CCDC62: variants seen among roughly 807,000 people sequenced by gnomAD.
The protein encoded by CCDC62 is coiled-coil domain containing 62.
In CCDC62, 72 loss-of-function variants were observed where a neutral mutation model predicts 80.8. The observed-to-expected ratio is 0.89, with a 90% CI of 0.74 to 1.08. The LOEUF (loss-of-function observed/expected upper bound fraction) is 1.08, where lower values mean the gene tolerates loss of function less well. Ranked by LOEUF, CCDC62 falls within the 50% of genes least tolerant of loss-of-function variation. CCDC62 has a pLI of 0.00. For missense variants in CCDC62, 704 were observed against 809.4 expected, an observed-to-expected ratio of 0.87 and a Z score of 1.58; for synonymous variants, 286 against 296.5, an observed-to-expected ratio of 0.96 and a Z score of 0.36.
At chr12:122,818,794 C>T (rs1417688885) in intron 11 of CCDC62, among the ~76,000 whole-genome samples, 3 of 152,054 alleles carry the variant, frequency 2.0e-5, no homozygotes, top group Non-Finnish European at 4.4e-5. Flanking sequence ...TGGCTCACGC[C>T]TATAGTTCCA....
rs949070503 is a variant in CCDC62, at chr12:122,774,721, C to T, written c.36+15C>T. 2 of 1,250,672 alleles carry T rather than the reference C, an allele frequency of 1.6e-6. No individual in the cohort carries two copies. Among genetic ancestry groups the T allele is most frequent in the African/African-American group, 1.5e-5 (1 of 64,668 alleles). 77.5% of individuals were successfully genotyped at this position (1,250,672 alleles called of 1,614,324 possible). On this transcript the variant is annotated intron_variant, in intron 1 of 12. Transcript: ENST00000253079. ...CCGGGCGCCAGGTAAGCAGCGGTTC[C>T]GGGCGCGGCGGGGCGCCGCGGGAAC...
chr12:122,796,294 T>C (rs936385161), intron 6 of CCDC62, among the ~76,000 whole-genome samples: 7 of 151,440 alleles, frequency 4.6e-5, no homozygotes, highest in African/African-American at 1.7e-4. Context: ...GACCATGCTG[T>C]ATCCAAAACA....
chr12:122,817,172 C>T (rs2032203754), intron 11 of CCDC62, among the ~76,000 whole-genome samples: 1 of 151,592 alleles, frequency 6.6e-6, no homozygotes. Context: ...CTGCCCCAGC[C>T]TCCCAAGTAG....
Position 122,820,760 on chromosome 12 carries a change from G to A in CCDC62, c.2002-2606G>A, listed in dbSNP as rs192989739. On this transcript the variant is annotated intron_variant, in intron 11 of 12. Transcript: ENST00000253079. ...AGAGGCTGAGGCACTAGAATCGCTTGAACCCAGGTGGCGGAGGTTGCAGTG... is the reference window on the plus strand; with the variant it reads ...AGAGGCTGAGGCACTAGAATCGCTTAAACCCAGGTGGCGGAGGTTGCAGTG... Among the ~76,000 whole-genome samples the A allele has an allele frequency of 2.4e-3, 362 of 150,082 alleles. 1 individual carries two copies. Among genetic ancestry groups the A allele is most frequent in the African/African-American group, 8.5e-3 (346 of 40,774 alleles).
At chr12:122,805,946 C>T (rs1343775408) in intron 9 of CCDC62, among the ~76,000 whole-genome samples, 2 of 152,148 alleles carry the variant, frequency 1.3e-5, no homozygotes, top group African/African-American at 4.8e-5. Flanking sequence ...AGCTACCATG[C>T]CCAGCCTTAT....
intron 5 of CCDC62, among the ~76,000 whole-genome samples, chr12:122,789,850 A>T (rs1270519421): frequency 6.6e-6 from 1 of 152,168 alleles, no homozygotes; most frequent in Non-Finnish European, 1.5e-5. Context: ...CTAAAACCAT[A>T]ATCGTATTAT....
chr12:122,806,378 A>T, intron 10 of CCDC62, 83 bp downstream of exon 10: 7 of 1,056,730 alleles, frequency 6.6e-6, no homozygotes, highest in African/African-American at 1.6e-5. Context: ...AACCACTGTT[A>T]GCTTGCTTAT....
At chr12:122,813,169 C>A in intron 10 of CCDC62, 101 bp from the exon 11 acceptor site, 1 of 1,270,778 alleles carries the variant, frequency 7.9e-7, no homozygotes, top group Non-Finnish European at 1.1e-6. Context: ...TCAGCCTGGG[C>A]GTCAGAGCAA....
intron 5 of CCDC62, among the ~76,000 whole-genome samples, chr12:122,789,517 C>T (rs2030467192): frequency 6.6e-6 from 1 of 152,204 alleles, no homozygotes; most frequent in South Asian, 2.1e-4. Flanking sequence ...ACCACTGCCT[C>T]CACCTCCTGG....
rs77166802 is a variant in CCDC62, at chr12:122,826,696, G to A, written c.*315G>A. On this transcript the variant is annotated 3_prime_UTR_variant, in exon 13 of 13. Transcript: ENST00000253079. ...GAAAAAGACTTCTCTGTAAAGATAC[G>A]GACTACAGTTAAATGCTAGAGAAGC... 0.039 allele frequency: 15,232 copies of A among 390,296 alleles called. 378 individuals carry two copies. Among genetic ancestry groups the A allele is most frequent in the Non-Finnish European group, 0.053 (11,755 of 220,644 alleles). 24.2% of individuals were successfully genotyped at this position (390,296 alleles called of 1,614,324 possible). A position where few individuals can be genotyped will look rare whatever the true frequency, so the allele number is the denominator to read the frequency against.
At chr12:122,780,639 T>C (rs1879797758) in intron 2 of CCDC62, among the ~76,000 whole-genome samples, 1 of 148,184 alleles carries the variant, frequency 6.7e-6, no homozygotes, top group African/African-American at 2.5e-5. Flanking sequence ...TAAAATAAAA[T>C]AAAATAAAAT....
At chr12:122,811,229 C>T (rs78596837) in intron 10 of CCDC62, among the ~76,000 whole-genome samples, 3,654 of 122,292 alleles carry the variant, frequency 0.03, no homozygotes, top group Non-Finnish European at 0.04. Flanking sequence ...TTTTTTTTTT[C>T]AGACGGAGTT....
intron 10 of CCDC62, among the ~76,000 whole-genome samples, chr12:122,808,404 A>G (rs1441047587): frequency 4.6e-5 from 7 of 152,244 alleles, no homozygotes; most frequent in Non-Finnish European, 1.0e-4. Flanking sequence ...CTGGTGTGCT[A>G]GATAATACAA....
intron 11 of CCDC62, among the ~76,000 whole-genome samples, chr12:122,815,608 G>A (rs1428600883): frequency 1.3e-5 from 2 of 151,818 alleles, no homozygotes; most frequent in South Asian, 4.2e-4. Context: ...CACCACACCC[G>A]GCTAATTTTT....
At chr12:122,793,164 T>G (rs2030733242) in intron 6 of CCDC62, among the ~76,000 whole-genome samples, 1 of 152,172 alleles carries the variant, frequency 6.6e-6, no homozygotes, top group African/African-American at 2.4e-5. Flanking sequence ...TATAATAAAT[T>G]GTTGAATATA....
At chr12:122,823,271 T>A in intron 11 of CCDC62, 95 bp from the exon 12 acceptor site, 1 of 920,670 alleles carries the variant, frequency 1.1e-6, no homozygotes, top group Non-Finnish European at 1.8e-6. Context: ...TCATCTAACA[T>A]CTCTTAAAGG....
Position 122,788,805 on chromosome 12 carries a change from T to C in CCDC62, c.546T>C (p.Gly182=). 1 of 1,597,290 alleles carries C rather than the reference T, an allele frequency of 6.3e-7. No individual in the cohort carries two copies. Among genetic ancestry groups the C allele is most frequent in the African/African-American group, 1.3e-5 (1 of 74,172 alleles). ...EAVNHIADCS[G]KFKMLEHALR... ...TTAATCACATTGCAGATTGTTCGGG[T>C]AAATTTAAAATGCTAGAGCATGCCC... The change falls in exon 5 of 13, where the codon GGT becomes GGC. Residue 182 remains glycine (G), a synonymous_variant. Coordinates refer to ENST00000253079, the MANE Select transcript of CCDC62 (RefSeq NM_201435.5).
chr12:122,806,166 C>T lies in CCDC62; in HGVS notation c.1722C>T (p.Ile574=), dbSNP rs373242049. Residue 574 remains isoleucine, a synonymous_variant, in exon 10 of 13, where the codon ATC becomes ATT. Transcript: ENST00000253079. ...HDSPASELIA[I]QDSHSLGSSK... is the part of the protein sequence containing the mutation. ...TTATTCTTAGTGAGCTAATTGCCAT[C>T]CAAGATTCCCACTCTTTGGGTTCTT... 9.7e-5 allele frequency: 156 copies of T among 1,611,936 alleles called. No homozygotes were observed. The highest frequency in any genetic ancestry group is 1.3e-4 in the Non-Finnish European group (150 of 1,179,030).
chr12:122,802,476 C>T (rs558789703), intron 9 of CCDC62, among the ~76,000 whole-genome samples: 3 of 148,246 alleles, frequency 2.0e-5, no homozygotes, highest in Non-Finnish European at 4.4e-5. Context: ...TGCAGTGGCG[C>T]AGTCTTGGCT....
Sources: gnomAD v4.1 joint callset for allele counts (sites outside exome capture counted in the v4.1 genomes callset) on GRCh38, gnomAD v4.1.1 for gene constraint, MANE v1.5 for transcripts, NCBI Gene and HGNC (gene_info 2026-07-23, HGNC 2026-07-21) for gene names.